The following MICU1 variants were observed in gnomAD, a reference collection of about 807,000 sequenced individuals.
MICU1 encodes the protein calcium uptake protein 1, mitochondrial.
MICU1 carries 45 observed loss-of-function variants against 56.8 expected under a neutral mutation model. That is an observed-to-expected ratio of 0.79 (90% CI 0.62 to 1.02). The LOEUF (loss-of-function observed/expected upper bound fraction) is 1.02. MICU1 is among the 50% of genes least tolerant of loss of function. The pLI, the probability that MICU1 is intolerant of heterozygous loss-of-function variation, is 0.00. For synonymous variants in MICU1, 186 were observed against 195.1 expected (o/e 0.95, Z 0.39); for missense variants, 504 against 587.1 (o/e 0.86, Z 1.46).
intron 6 of MICU1, chr10:72,477,695 G>A (rs2132273885): frequency 1.5e-6 from 1 of 678,078 alleles, no homozygotes; most frequent in East Asian, 2.8e-5. Flanking sequence ...CAACAAGCCA[G>A]CTTTCTACTT....
intron 10 of MICU1, among the ~76,000 whole-genome samples, chr10:72,386,078 G>A (rs866711190): frequency 3.9e-5 from 6 of 152,204 alleles, no homozygotes; most frequent in Non-Finnish European, 8.8e-5. Flanking sequence ...ACAACACTGC[G>A]ATTTCATCCT....
chr10:72,433,429 A>ATT lies in MICU1; in HGVS notation c.934-10060_934-10059dup, dbSNP rs1230364146. ...GCCCAGCTAATTTTTGTATTTTTGT[A>ATT]TTTTTTTTTTTTTTTTGAGATGGAG... On this transcript the variant is annotated intron_variant, in intron 8 of 11. Transcript: ENST00000361114. Among the ~76,000 whole-genome samples, 171 of 120,794 alleles carry ATT rather than the reference A, an allele frequency of 1.4e-3. 1 individual carries two copies. Among genetic ancestry groups the ATT allele is most frequent in the Middle Eastern group, 4.9e-3 (1 of 206 alleles). The allele number at this position is 120,794 out of a possible 152,430, so 79.2% of individuals were successfully genotyped here.
chr10:72,616,350 A>G (rs1841979118), intron 1 of MICU1, among the ~76,000 whole-genome samples: 1 of 152,126 alleles, frequency 6.6e-6, no homozygotes, highest in Admixed American at 6.6e-5. Flanking sequence ...CTGGAGAAGC[A>G]TTTAGTTCAA....
At chr10:72,623,844 C>A (rs117344422) in intron 1 of MICU1, among the ~76,000 whole-genome samples, 3,567 of 152,072 alleles carry the variant, frequency 0.023, 88 homozygotes, top group South Asian at 0.11. Flanking sequence ...GTCCCCACCC[C>A]TCAACAAAAG....
intron 6 of MICU1, among the ~76,000 whole-genome samples, chr10:72,497,673 G>C (rs1866893271): frequency 6.6e-6 from 1 of 152,174 alleles, no homozygotes; most frequent in African/African-American, 2.4e-5. Context: ...AGTGAGAAGA[G>C]TTCTAAGGAA....
chr10:72,563,020 C>T lies in MICU1; in HGVS notation c.205G>A (p.Asp69Asn), dbSNP rs539140941. The stretch of plus-strand genomic sequence containing the variant: ...TTATTCTTCCCTTTATCACCGATGT[C>T]ACTTTTTAGGTTGTCTACACATGGT... Reference protein sequence around the residue: ...SPPCVDNLKSDIGDKGKNKDE... With the variant: ...SPPCVDNLKSNIGDKGKNKDE... Residue 69 changes from aspartate to asparagine, a missense_variant, in exon 3 of 12, where the codon GAC becomes AAC. Transcript: ENST00000361114. 15 of 1,603,672 alleles carry T rather than the reference C, an allele frequency of 9.4e-6. No individual in the cohort carries two copies. The South Asian group carries it at 1.6e-4, about 17-fold the overall frequency.
At chr10:72,603,358 G>T (rs1483597856) in intron 1 of MICU1, among the ~76,000 whole-genome samples, 9 of 147,708 alleles carry the variant, frequency 6.1e-5, no homozygotes, top group African/African-American at 2.2e-4. Flanking sequence ...CTGCAATCCA[G>T]CCTGGGCAAC....
chr10:72,559,298 C>T (rs575185003), intron 3 of MICU1, among the ~76,000 whole-genome samples: 1 of 152,106 alleles, frequency 6.6e-6, no homozygotes, highest in East Asian at 1.9e-4. Context: ...AGTATAAAAG[C>T]AATGTATTTT....
chr10:72,475,434 AT>A (rs5786077), intron 7 of MICU1, 137 bp from the exon 8 acceptor site: 4,757 of 607,848 alleles, frequency 7.8e-3, no homozygotes, highest in East Asian at 0.025. Context: ...GCTTACAACA[AT>A]TTTTTTTTTT....
At chr10:72,554,329 A>G (rs561689835) in intron 3 of MICU1, among the ~76,000 whole-genome samples, 2 of 152,242 alleles carry the variant, frequency 1.3e-5, no homozygotes, top group African/African-American at 2.4e-5. Flanking sequence ...AAAAGCAACT[A>G]GACATTAGGT....
intron 6 of MICU1, among the ~76,000 whole-genome samples, chr10:72,496,488 G>C (rs1866849760): frequency 6.6e-6 from 1 of 152,172 alleles, no homozygotes; most frequent in Non-Finnish European, 1.5e-5. Flanking sequence ...TTTTAGTAGA[G>C]ATGGGGTTTC....
intron 5 of MICU1, chr10:72,523,719 G>T: frequency 2.1e-6 from 2 of 932,260 alleles, no homozygotes; most frequent in Non-Finnish European, 2.9e-6. Flanking sequence ...AAATGTGAGA[G>T]TAATATTTTA....
intron 6 of MICU1, among the ~76,000 whole-genome samples, chr10:72,499,870 T>C (rs765294944): frequency 2.0e-5 from 3 of 152,182 alleles, no homozygotes; most frequent in Non-Finnish European, 4.4e-5. Flanking sequence ...CCAAGTCACA[T>C]ACACTTTGTG....
At chr10:72,571,941 T>C (rs1840620937) in intron 1 of MICU1, among the ~76,000 whole-genome samples, 1 of 151,556 alleles carries the variant, frequency 6.6e-6, no homozygotes, top group Admixed American at 6.6e-5. Context: ...TAATATCTAA[T>C]TGCACAGGAG....
At chr10:72,557,458 G>A (rs1037096317) in intron 3 of MICU1, among the ~76,000 whole-genome samples, 15 of 152,188 alleles carry the variant, frequency 9.9e-5, no homozygotes, top group African/African-American at 3.6e-4. Flanking sequence ...AGTGGATACA[G>A]TGAAAAATCA....
rs11527414 is a variant in MICU1 at position 72,438,583 on chromosome 10, C to A, written c.934-15212G>T. On this transcript the variant is annotated intron_variant, in intron 8 of 11. Coordinates refer to ENST00000361114, the MANE Select transcript of MICU1 (RefSeq NM_001195518.2). Reference sequence around the variant, plus strand: ...CTGAAAGAGATAGAGACACAAAAACCCTTCAAAAAAAATCAATGAATCCAG... The same window carrying A: ...CTGAAAGAGATAGAGACACAAAAACACTTCAAAAAAAATCAATGAATCCAG... 1.3e-3 allele frequency among the ~76,000 whole-genome samples: 195 copies of A among 151,964 alleles called. 4 individuals are homozygous for A. The East Asian group carries it at 0.034, about 26-fold the overall frequency.
intron 1 of MICU1, among the ~76,000 whole-genome samples, chr10:72,571,070 A>G (rs1009974845): frequency 1.3e-5 from 2 of 152,200 alleles, no homozygotes; most frequent in African/African-American, 4.8e-5. Context: ...AGCCAATTCA[A>G]AAGTTGGAAC....
chr10:72,594,886 G>A (rs1393797741), intron 1 of MICU1, among the ~76,000 whole-genome samples: 1 of 124,288 alleles, frequency 8.0e-6, no homozygotes, highest in Non-Finnish European at 1.6e-5. Context: ...TTCCAGCCTG[G>A]ATGACAAAGT....
At chr10:72,602,639 G>A (rs1032370812) in intron 1 of MICU1, among the ~76,000 whole-genome samples, 1 of 152,072 alleles carries the variant, frequency 6.6e-6, no homozygotes, top group Non-Finnish European at 1.5e-5. Flanking sequence ...GACTCTAAGA[G>A]AAAATTTTAA....
Sources: gnomAD v4.1 joint callset for allele counts (sites outside exome capture counted in the v4.1 genomes callset) on GRCh38, gnomAD v4.1.1 for gene constraint, MANE v1.5 for transcripts, NCBI Gene and HGNC (gene_info 2026-07-23, HGNC 2026-07-21) for gene names.